NAALADL2: variants seen among roughly 807,000 people sequenced by gnomAD.
NAALADL2 encodes the protein inactive N-acetylated-alpha-linked acidic dipeptidase-like protein 2.
NAALADL2 carries 76 observed loss-of-function variants against 87.2 expected under a neutral mutation model. That is an observed-to-expected ratio of 0.87 (90% CI 0.72 to 1.05). The LOEUF (loss-of-function observed/expected upper bound fraction) is 1.05, where lower values mean the gene tolerates loss of function less well. Ranked by LOEUF, NAALADL2 falls within the 50% of genes least tolerant of loss-of-function variation. The pLI is 0.00. For synonymous variants in NAALADL2, 354 were observed against 331.0 expected, an observed-to-expected ratio of 1.07 and a Z score of -0.75; for missense variants, 1,089 against 945.8, an observed-to-expected ratio of 1.15 and a Z score of -1.99.
intron 10 of NAALADL2, among the ~76,000 whole-genome samples, chr3:175,581,445 A>G (rs1240632516): frequency 6.6e-6 from 1 of 152,158 alleles, no homozygotes; most frequent in Non-Finnish European, 1.5e-5. Context: ...CTGTCTCTAA[A>G]TAAATAAATA....
intron 1 of NAALADL2, among the ~76,000 whole-genome samples, chr3:174,460,815 G>T (rs897561939): frequency 6.6e-6 from 1 of 151,866 alleles, no homozygotes; most frequent in Non-Finnish European, 1.5e-5. Context: ...AGTTTGTTTT[G>T]TTGAGGCTTT....
intron 11 of NAALADL2, among the ~76,000 whole-genome samples, chr3:175,639,355 C>G (rs1728983462): frequency 8.1e-6 from 1 of 123,134 alleles, no homozygotes; most frequent in Non-Finnish European, 1.6e-5. Flanking sequence ...GAGTCTCGCT[C>G]TGTTGCCCAG....
intron 3 of NAALADL2, among the ~76,000 whole-genome samples, chr3:174,773,325 A>C (rs969046419): frequency 6.6e-6 from 1 of 152,288 alleles, no homozygotes; most frequent in African/African-American, 2.4e-5. Context: ...AGAGGTGTGA[A>C]CCCAATTCAA....
intron 2 of NAALADL2, among the ~76,000 whole-genome samples, chr3:174,646,487 T>C (rs1723793821): frequency 6.6e-6 from 1 of 152,156 alleles, no homozygotes; most frequent in African/African-American, 2.4e-5. Context: ...ATTTTATATG[T>C]GAACATATTA....
intron 1 of NAALADL2, among the ~76,000 whole-genome samples, chr3:174,878,335 T>A (rs1414839886): frequency 6.6e-6 from 1 of 152,108 alleles, no homozygotes; most frequent in Non-Finnish European, 1.5e-5. Context: ...TTTTTTTCTC[T>A]ACCTCAATGA....
At chr3:174,884,276 A>G (rs1173541406) in intron 1 of NAALADL2, among the ~76,000 whole-genome samples, 5 of 152,150 alleles carry the variant, frequency 3.3e-5, no homozygotes, top group African/African-American at 9.7e-5. Flanking sequence ...AAACAGTACC[A>G]TATGTTGGAC....
chr3:175,181,755 G>GTGTGTAAATA (rs1736573083), intron 2 of NAALADL2, among the ~76,000 whole-genome samples: 1 of 79,466 alleles, frequency 1.3e-5, no homozygotes, highest in Non-Finnish European at 2.8e-5. Context: ...GTATATATAT[G>GTGTGTAAATA]TGTGTATATA....
intron 1 of NAALADL2, among the ~76,000 whole-genome samples, chr3:174,883,654 C>T (rs1213613415): frequency 1.3e-5 from 2 of 152,120 alleles, no homozygotes; most frequent in East Asian, 1.9e-4. Flanking sequence ...AATTACAGCC[C>T]TCGTTTCTGC....
intron 13 of NAALADL2, among the ~76,000 whole-genome samples, chr3:175,780,774 T>C (rs753241050): frequency 2.3e-4 from 35 of 152,232 alleles, no homozygotes; most frequent in Non-Finnish European, 3.8e-4. Context: ...GAAGTCATTT[T>C]TTTAAAACTG....
At chr3:175,540,602 C>G (rs1712142170) in intron 9 of NAALADL2, among the ~76,000 whole-genome samples, 1 of 151,938 alleles carries the variant, frequency 6.6e-6, no homozygotes, top group African/African-American at 2.4e-5. Flanking sequence ...AGGTATCTGA[C>G]AGGAGGAAGG....
chr3:174,976,012 A>T (rs2108628619), intron 1 of NAALADL2, among the ~76,000 whole-genome samples: 1 of 152,338 alleles, frequency 6.6e-6, no homozygotes. Flanking sequence ...TTGTTGTTTT[A>T]TGCTGCTAAG....
chr3:174,958,219 TAATC>T (rs1381249499), intron 1 of NAALADL2, among the ~76,000 whole-genome samples: 5 of 151,220 alleles, frequency 3.3e-5, no homozygotes, highest in Admixed American at 2.0e-4. Flanking sequence ...TATATATAAA[TAATC>T]AATTATATAT....
At chr3:174,587,280 G>A (rs1282324536) in intron 2 of NAALADL2, among the ~76,000 whole-genome samples, 5 of 152,032 alleles carry the variant, frequency 3.3e-5, no homozygotes, top group Non-Finnish European at 5.9e-5. Flanking sequence ...TGTGAATAGT[G>A]CTGCAATAAA....
intron 1 of NAALADL2, among the ~76,000 whole-genome samples, chr3:174,903,226 A>G (rs995926772): frequency 1.3e-5 from 2 of 152,142 alleles, no homozygotes; most frequent in South Asian, 4.1e-4. Flanking sequence ...ATTTGAATAC[A>G]TTAGATATTA....
intron 3 of NAALADL2, among the ~76,000 whole-genome samples, chr3:175,236,198 C>A (rs964522895): frequency 1.3e-5 from 2 of 151,800 alleles, no homozygotes; most frequent in African/African-American, 2.4e-5. Flanking sequence ...GGAGATGAAC[C>A]CTTCAATAAC....
chr3:175,160,599 G>A (rs923103386), intron 2 of NAALADL2, among the ~76,000 whole-genome samples: 2 of 151,618 alleles, frequency 1.3e-5, no homozygotes, highest in South Asian at 2.1e-4. Flanking sequence ...TGATCCGCCC[G>A]CCTCGGCCTC....
intron 9 of NAALADL2, among the ~76,000 whole-genome samples, chr3:175,512,350 G>A (rs908722560): frequency 6.6e-6 from 1 of 152,098 alleles, no homozygotes; most frequent in African/African-American, 2.4e-5. Context: ...AGTCTGCAGA[G>A]GCTGTATCAT....
chr3:175,324,743 G>A (rs1760470335), intron 5 of NAALADL2, among the ~76,000 whole-genome samples: 1 of 152,180 alleles, frequency 6.6e-6, no homozygotes. Flanking sequence ...ATATGATCAA[G>A]TTAGGTGAGT....
intron 5 of NAALADL2, among the ~76,000 whole-genome samples, chr3:175,379,665 A>G (rs1767560913): frequency 1.3e-5 from 2 of 151,784 alleles, no homozygotes; most frequent in Admixed American, 6.6e-5. Flanking sequence ...TCGGCCTTCT[A>G]AAGTGCTGAG....
Sources: gnomAD v4.1 joint callset for allele counts (sites outside exome capture counted in the v4.1 genomes callset) on GRCh38, gnomAD v4.1.1 for gene constraint, MANE v1.5 for transcripts, NCBI Gene and HGNC (gene_info 2026-07-23, HGNC 2026-07-21) for gene names.